The following SYNCRIP variants were observed in gnomAD, a reference collection of about 807,000 sequenced individuals.
SYNCRIP encodes the protein heterogeneous nuclear ribonucleoprotein Q.
SYNCRIP carries 9 observed loss-of-function variants against 68.9 expected under a neutral mutation model. That is an observed-to-expected ratio of 0.13 (90% CI 0.08 to 0.23). The LOEUF is 0.23. Among genes scored for constraint, SYNCRIP ranks in the 10% least tolerant of loss-of-function variants. The pLI is 1.00. For missense variants in SYNCRIP, 414 were observed against 770.6 expected, an observed-to-expected ratio of 0.54 and a Z score of 5.48; for synonymous variants, 258 against 254.0, an observed-to-expected ratio of 1.02 and a Z score of -0.15.
chr6:85,619,209 T>C, intron 9 of SYNCRIP, 59 bp downstream of exon 9: 1 of 1,589,468 alleles, frequency 6.3e-7, no homozygotes, highest in Non-Finnish European at 8.5e-7. Flanking sequence ...TATTTTGAGA[T>C]TCTAAAATGA....
At position 85,614,713 on chromosome 6, in the gene SYNCRIP, G is replaced by T; in HGVS notation, c.*43C>A. 1 of 1,513,896 alleles carries T rather than the reference G, an allele frequency of 6.6e-7. No individual in the cohort carries two copies. The highest frequency in any genetic ancestry group is 1.3e-5 in the South Asian group (1 of 74,128). 93.8% of individuals were successfully genotyped at this position (1,513,896 alleles called of 1,614,324 possible). On this transcript the variant is annotated 3_prime_UTR_variant, in exon 11 of 11. Coordinates refer to ENST00000369622, the MANE Select transcript of SYNCRIP (RefSeq NM_006372.5). Reference sequence around the variant, plus strand: ...CCGTTCAGATTTAGGGTGAGTTTCTGATCAACCTATCAGTCTCCAATTTTA... The same window carrying T: ...CCGTTCAGATTTAGGGTGAGTTTCTTATCAACCTATCAGTCTCCAATTTTA...
chr6:85,623,859 T>C (rs1806737287), intron 7 of SYNCRIP, 118 bp downstream of exon 7: 7 of 1,261,330 alleles, frequency 5.5e-6, no homozygotes, highest in Non-Finnish European at 7.7e-6. Context: ...ACTTCAAAAG[T>C]TGTAGTGAGG....
chr6:85,609,832 C>A (rs555794316), downstream of SYNCRIP: 1 of 151,866 alleles, frequency 6.6e-6, no homozygotes. Context: ...GGACTTGACT[C>A]GGATTTAAGA....
chr6:85,618,789 C>T, intron 10 of SYNCRIP, 29 bp downstream of exon 10: 1 of 1,531,444 alleles, frequency 6.5e-7, no homozygotes, highest in Non-Finnish European at 8.8e-7. Flanking sequence ...AAAATTTATA[C>T]AATTTTTAAG....
At chr6:85,613,471 C>T (rs1470573722), downstream of SYNCRIP, among the ~76,000 whole-genome samples, 1 of 152,098 alleles carries the variant, frequency 6.6e-6, no homozygotes, top group East Asian at 1.9e-4. Flanking sequence ...GGCTGTTAAA[C>T]CTTTTCACTG....
At position 85,626,589 on chromosome 6, in the gene SYNCRIP, T is replaced by C. The variant is rs1259034232; in HGVS notation, c.667-2477A>G. On this transcript the variant is annotated intron_variant, in intron 6 of 10. Coordinates refer to ENST00000369622, the MANE Select transcript of SYNCRIP (RefSeq NM_006372.5). ...TTAGTTCTACCAAGAAAATACACCA[T>C]TGAGAGGAACCAAAATCCTTATAAG... Among the ~76,000 whole-genome samples, 4 of 152,076 alleles carry C rather than the reference T, an allele frequency of 2.6e-5. No homozygotes were observed. In the East Asian group the frequency reaches 5.8e-4, roughly 22 times the overall value.
intron 6 of SYNCRIP, among the ~76,000 whole-genome samples, chr6:85,629,906 C>T (rs1215916091): frequency 6.6e-6 from 1 of 151,762 alleles, no homozygotes; most frequent in African/African-American, 2.4e-5. Flanking sequence ...ATCTCCTGAA[C>T]CCAGGAGACA....
chr6:85,624,303 T>C (rs563779268), intron 6 of SYNCRIP, among the ~76,000 whole-genome samples, 191 bp from the exon 7 acceptor site: 1 of 152,274 alleles, frequency 6.6e-6, no homozygotes, highest in South Asian at 2.1e-4. Context: ...TTAATGCAAA[T>C]AAAAGGTTAT....
chr6:85,618,964 T>C (rs755810812), intron 9 of SYNCRIP, 25 bp from the exon 10 acceptor site: 2 of 1,582,876 alleles, frequency 1.3e-6, no homozygotes, highest in South Asian at 1.2e-5. Context: ...TAAGTCAATA[T>C]AAAAATAGGA....
chr6:85,636,384 T>TTCG (rs1240575250), intron 6 of SYNCRIP, among the ~76,000 whole-genome samples: 1 of 151,446 alleles, frequency 6.6e-6, no homozygotes, highest in Non-Finnish European at 1.5e-5. Context: ...GGGTGGAGGT[T>TTCG]GCAGTGAGCC....
intron 6 of SYNCRIP, among the ~76,000 whole-genome samples, chr6:85,632,266 G>A (rs1807884199): frequency 6.6e-6 from 1 of 152,124 alleles, no homozygotes; most frequent in African/African-American, 2.4e-5. Context: ...ACACTCAAAA[G>A]AGAAACAGAG....
intron 6 of SYNCRIP, among the ~76,000 whole-genome samples, chr6:85,627,653 G>A (rs1177717433): frequency 5.3e-5 from 8 of 152,140 alleles, no homozygotes; most frequent in Non-Finnish European, 1.0e-4. Context: ...CTCAAGAAGT[G>A]TATCAGGACA....
intron 4 of SYNCRIP, among the ~76,000 whole-genome samples, chr6:85,638,772 T>C (rs1281792570): frequency 2.0e-5 from 3 of 152,208 alleles, no homozygotes; most frequent in African/African-American, 7.2e-5. Context: ...CCCTATGCTA[T>C]AAACGGATTT....
At chr6:85,621,677 T>TA (rs1806425659) in intron 8 of SYNCRIP, among the ~76,000 whole-genome samples, 1 of 150,122 alleles carries the variant, frequency 6.7e-6, no homozygotes, top group Admixed American at 6.6e-5. Flanking sequence ...CAGTGTGTAA[T>TA]AAAGTGTTGA....
At chr6:85,636,120 G>A (rs1247251379) in intron 6 of SYNCRIP, among the ~76,000 whole-genome samples, 1 of 152,072 alleles carries the variant, frequency 6.6e-6, no homozygotes, top group East Asian at 1.9e-4. Flanking sequence ...CTAGTTTAAA[G>A]GACTTACATA....
chr6:85,632,243 G>C (rs191331687), intron 6 of SYNCRIP, among the ~76,000 whole-genome samples: 8 of 152,190 alleles, frequency 5.3e-5, no homozygotes, highest in Non-Finnish European at 1.2e-4. Flanking sequence ...TTCAACCTAA[G>C]GTATTCCTCC....
At chr6:85,640,378 A>G (rs946175184) in intron 3 of SYNCRIP, 50 bp from the exon 4 acceptor site, 1 of 1,586,458 alleles carries the variant, frequency 6.3e-7, no homozygotes, top group Middle Eastern at 1.7e-4. Flanking sequence ...ATCTGAGTCT[A>G]ATAAAATTCA....
intron 2 of SYNCRIP, 36 bp downstream of exon 2, chr6:85,641,256 A>G (rs760462175): frequency 7.6e-5 from 119 of 1,573,590 alleles, no homozygotes; most frequent in Non-Finnish European, 9.7e-5. Context: ...CAATAGAAAA[A>G]TTTCATAATG....
chr6:85,620,167 A>C (rs886965452), intron 8 of SYNCRIP, among the ~76,000 whole-genome samples: 1 of 152,124 alleles, frequency 6.6e-6, no homozygotes, highest in Non-Finnish European at 1.5e-5. Flanking sequence ...AAATGGTTGA[A>C]CCCAAGAGGC....
Sources: allele counts gnomAD v4.1 joint callset (sites outside exome capture counted in the v4.1 genomes callset), GRCh38; gene constraint gnomAD v4.1.1; transcripts MANE v1.5; gene names NCBI Gene and HGNC (gene_info 2026-07-23, HGNC 2026-07-21).